Variants in SLC44A5 observed in about 807,000 individuals in gnomAD.
SLC44A5 encodes solute carrier family 44 member 5.
Under a neutral mutation model 101.8 loss-of-function variants are expected in SLC44A5, and 57 were observed. The ratio of observed to expected loss-of-function variants is 0.56; its 90% CI spans 0.45 to 0.70. The LOEUF (loss-of-function observed/expected upper bound fraction) is 0.70. Among genes scored for constraint, SLC44A5 ranks in the 30% least tolerant of loss-of-function variants. The probability of loss-of-function intolerance (pLI) is 0.00; values close to 1 mark genes in which losing one functional copy is unlikely to be tolerated. For synonymous variants in SLC44A5, 281 were observed against 290.9 expected, an observed-to-expected ratio of 0.97 and a Z score of 0.35; for missense variants, 737 against 853.1, an observed-to-expected ratio of 0.86 and a Z score of 1.70.
At chr1:75,410,124 G>A (rs896719405) in intron 2 of SLC44A5, among the ~76,000 whole-genome samples, 1 of 152,064 alleles carries the variant, frequency 6.6e-6, no homozygotes, top group Non-Finnish European at 1.5e-5. Context: ...GAGAGTATAT[G>A]TTATATATGT....
intron 4 of SLC44A5, among the ~76,000 whole-genome samples, chr1:75,326,617 AACAAATTC>A (rs1486357291): frequency 2.0e-5 from 3 of 152,196 alleles, no homozygotes; most frequent in African/African-American, 7.2e-5. Flanking sequence ...AAGAGTGTTT[AACAAATTC>A]ATAAATTCAG....
chr1:75,483,925 A>T (rs941460191), intron 2 of SLC44A5, among the ~76,000 whole-genome samples: 1 of 152,136 alleles, frequency 6.6e-6, no homozygotes, highest in African/African-American at 2.4e-5. Flanking sequence ...GGGAAGTGCC[A>T]CACTTCAAAA....
At chr1:75,402,226 A>C (rs1433880074) in intron 2 of SLC44A5, among the ~76,000 whole-genome samples, 1 of 152,230 alleles carries the variant, frequency 6.6e-6, no homozygotes, top group African/African-American at 2.4e-5. Flanking sequence ...CTGTATAGTC[A>C]CAGGGGAGTC....
chr1:75,584,152 AG>A (rs1450172452), intron 1 of SLC44A5, among the ~76,000 whole-genome samples: 2 of 152,244 alleles, frequency 1.3e-5, no homozygotes, highest in African/African-American at 4.8e-5. Flanking sequence ...AAAGGGCTTA[AG>A]GGCCTCACTC....
chr1:75,674,617 T>C, the SLC44A5 span, among the ~76,000 whole-genome samples: 2 of 20,950 alleles, frequency 9.5e-5, no homozygotes, highest in Non-Finnish European at 2.2e-4. Context: ...TGAGCTCGGG[T>C]GATCCCCCCC....
intron 3 of SLC44A5, among the ~76,000 whole-genome samples, chr1:75,352,374 GCCCAAGTGTGTGTTGTTCC>G (rs1658747700): frequency 6.6e-6 from 1 of 151,058 alleles, no homozygotes; most frequent in African/African-American, 2.4e-5. Flanking sequence ...CCCCCAACAG[GCCCAAGTGTGTGTTGTTCC>G]CCCCGATGTG....
intron 2 of SLC44A5, among the ~76,000 whole-genome samples, chr1:75,514,757 C>T (rs1002167717): frequency 6.6e-6 from 1 of 152,176 alleles, no homozygotes; most frequent in African/African-American, 2.4e-5. Context: ...CTACACTGAT[C>T]TATAAGTACA....
intron 2 of SLC44A5, among the ~76,000 whole-genome samples, chr1:75,528,481 C>T (rs1181168848): frequency 6.6e-6 from 1 of 152,050 alleles, no homozygotes; most frequent in Non-Finnish European, 1.5e-5. Context: ...TCTAGTGCAC[C>T]AAACACAAAA....
the SLC44A5 span, among the ~76,000 whole-genome samples, chr1:75,634,291 G>T: frequency 6.6e-6 from 1 of 152,094 alleles, no homozygotes; most frequent in African/African-American, 2.4e-5. Flanking sequence ...GTTTCAGAAG[G>T]AATGGTACCA....
At chr1:75,570,320 G>C (rs1673007437) in intron 1 of SLC44A5, among the ~76,000 whole-genome samples, 1 of 152,174 alleles carries the variant, frequency 6.6e-6, no homozygotes, top group African/African-American at 2.4e-5. Flanking sequence ...GAATTTGAAA[G>C]ACAAAATACT....
At chr1:75,584,641 G>A (rs1673892926) in intron 1 of SLC44A5, among the ~76,000 whole-genome samples, 1 of 152,088 alleles carries the variant, frequency 6.6e-6, no homozygotes, top group African/African-American at 2.4e-5. Flanking sequence ...CACCCAGGCT[G>A]GAGTGCAGTG....
At position 75,280,196 on chromosome 1, in the gene SLC44A5, A is replaced by G. The variant is rs375240287; in HGVS notation, c.176-5154T>C. ...ATAATATATATTGTATATATTATAT[A>G]TTGTATATATAATATATATTGTATA... On this transcript the variant is annotated intron_variant, in intron 5 of 23. Coordinates refer to ENST00000370859, the MANE Select transcript of SLC44A5 (RefSeq NM_001130058.2). Among the ~76,000 whole-genome samples the G allele has an allele frequency of 2.1e-4, 9 of 43,682 alleles. 3 individuals are homozygous for G. Among genetic ancestry groups the G allele is most frequent in the African/African-American group, 8.9e-4 (9 of 10,116 alleles). 28.7% of individuals were successfully genotyped at this position (43,682 alleles called of 152,430 possible). A position where few individuals can be genotyped will look rare whatever the true frequency, so the allele number is the denominator to read the frequency against.
At chr1:75,249,019 C>A (rs1244494020) in intron 7 of SLC44A5, among the ~76,000 whole-genome samples, 1 of 151,924 alleles carries the variant, frequency 6.6e-6, no homozygotes, top group Non-Finnish European at 1.5e-5. Flanking sequence ...ATTGGAGTTG[C>A]AATGTCAGAG....
chr1:75,348,438 G>A (rs904988577), intron 3 of SLC44A5, among the ~76,000 whole-genome samples: 1 of 152,086 alleles, frequency 6.6e-6, no homozygotes, highest in African/African-American at 2.4e-5. Flanking sequence ...CATACAGTTG[G>A]AACTTTAGAG....
chr1:75,664,044 CA>C, the SLC44A5 span, among the ~76,000 whole-genome samples: 4 of 152,048 alleles, frequency 2.6e-5, no homozygotes, highest in African/African-American at 9.7e-5. Flanking sequence ...TAAGAGGAAT[CA>C]AAACCAAAAA....
At chr1:75,237,700 T>C (rs2100585388) in intron 10 of SLC44A5, among the ~76,000 whole-genome samples, 1 of 152,216 alleles carries the variant, frequency 6.6e-6, no homozygotes, top group South Asian at 2.1e-4. Context: ...TCTGCTTGTT[T>C]TTGACTTTTA....
At chr1:75,715,542 C>A in the SLC44A5 span, among the ~76,000 whole-genome samples, 264 of 152,218 alleles carry the variant, frequency 1.7e-3, 1 homozygote, top group African/African-American at 5.8e-3. Flanking sequence ...ACAAGCGATG[C>A]GGATAAGACT....
chr1:75,494,348 AC>A (rs1489057848), intron 2 of SLC44A5, among the ~76,000 whole-genome samples: 1 of 152,064 alleles, frequency 6.6e-6, no homozygotes. Context: ...ATAAAATCAA[AC>A]CCCCAACTTC....
the SLC44A5 span, among the ~76,000 whole-genome samples, chr1:75,706,882 TG>T: frequency 6.6e-6 from 1 of 152,220 alleles, no homozygotes; most frequent in Non-Finnish European, 1.5e-5. Flanking sequence ...TTCTCATGAT[TG>T]GTAATTTTAT....
Sources: gnomAD v4.1 joint callset for allele counts (sites outside exome capture counted in the v4.1 genomes callset) on GRCh38, gnomAD v4.1.1 for gene constraint, MANE v1.5 for transcripts, NCBI Gene and HGNC (gene_info 2026-07-23, HGNC 2026-07-21) for gene names.